AFF2: variants seen among roughly 807,000 people sequenced by gnomAD.
AFF2 encodes ALF transcription elongation factor 2.
In AFF2, 14 loss-of-function variants were observed where a neutral mutation model predicts 76.9. The observed-to-expected ratio is 0.18, with a 90% CI of 0.12 to 0.28. AFF2 has a LOEUF of 0.28. Among genes scored for constraint, AFF2 ranks in the 10% least tolerant of loss-of-function variants. AFF2 has a pLI of 1.00. For synonymous variants in AFF2, 398 were observed against 366.7 expected (o/e 1.09, Z -0.98); for missense variants, 868 against 1,001.1 (o/e 0.87, Z 1.79).
intron 9 of AFF2, among the ~76,000 whole-genome samples, chrX:148,910,356 A>G (rs59315112): frequency 0.013 from 1,411 of 112,480 alleles, 20 homozygotes; most frequent in African/African-American, 0.044. Context: ...CATTCTGGGA[A>G]CTGTGATAGG....
intron 3 of AFF2, among the ~76,000 whole-genome samples, chrX:148,755,352 C>T (rs2055549618): frequency 9.0e-6 from 1 of 111,584 alleles, no homozygotes; most frequent in African/African-American, 3.3e-5. Context: ...TAATCAGGGC[C>T]TTAAGTCTGA....
intron 3 of AFF2, among the ~76,000 whole-genome samples, chrX:148,768,592 A>G (rs1304990406): frequency 1.8e-5 from 2 of 111,671 alleles, no homozygotes; most frequent in African/African-American, 6.5e-5. Context: ...TTGCAAGTTA[A>G]TGTGATCTGC....
intron 12 of AFF2, among the ~76,000 whole-genome samples, chrX:148,961,220 C>A (rs181551717): frequency 1.8e-5 from 2 of 111,955 alleles, no homozygotes; most frequent in Non-Finnish European, 3.8e-5. Flanking sequence ...GCTAATGAAC[C>A]ACCATTCACC....
rs1046835530 is a variant in AFF2, at chrX:148,869,284, G to A, written c.1263-16605G>A. Among the ~76,000 whole-genome samples, 5 of 111,698 alleles carry A rather than the reference G, an allele frequency of 4.5e-5. No individual in the cohort carries two copies. In the South Asian group the frequency reaches 1.9e-3, roughly 42 times the overall value. On this transcript the variant is annotated intron_variant, in intron 7 of 20. Coordinates refer to ENST00000370460, the MANE Select transcript of AFF2 (RefSeq NM_002025.4). ...GGTTTCATTCTGGAGTGGTGAAAAT[G>A]TTCCTGAACTAGATCATGGTGATGG...
chrX:148,840,994 C>T (rs2070593117), intron 5 of AFF2, among the ~76,000 whole-genome samples: 1 of 112,515 alleles, frequency 8.9e-6, no homozygotes. Context: ...ATATCAGTTA[C>T]TCCAATTCAG....
chrX:148,941,142 T>A (rs782532834), intron 9 of AFF2, among the ~76,000 whole-genome samples: 1 of 111,527 alleles, frequency 9.0e-6, no homozygotes, highest in East Asian at 2.8e-4. Flanking sequence ...TTTCTGATTG[T>A]TTATTAATGG....
At chrX:148,805,858 A>G (rs2070124306) in intron 3 of AFF2, among the ~76,000 whole-genome samples, 1 of 112,429 alleles carries the variant, frequency 8.9e-6, no homozygotes, top group Non-Finnish European at 1.9e-5. Context: ...AGAGGACCAC[A>G]TCCGTGCCCA....
At chrX:148,975,855 A>G (rs1476309208) in intron 16 of AFF2, among the ~76,000 whole-genome samples, 1 of 89,810 alleles carries the variant, frequency 1.1e-5, no homozygotes, top group African/African-American at 3.8e-5. Context: ...GAGGCAGGAG[A>G]ATGGCGTGAA....
intron 3 of AFF2, among the ~76,000 whole-genome samples, chrX:148,685,074 A>G (rs1032282808): frequency 8.9e-6 from 1 of 112,043 alleles, no homozygotes; most frequent in Non-Finnish European, 1.9e-5. Flanking sequence ...ATCCCTGACT[A>G]TAGACATTTC....
chrX:148,886,163 T>C (rs2071157579), intron 8 of AFF2, among the ~76,000 whole-genome samples, 178 bp downstream of exon 8: 1 of 111,719 alleles, frequency 9.0e-6, no homozygotes, highest in Non-Finnish European at 1.9e-5. Flanking sequence ...GTTCAAACTT[T>C]CATTAAAGCT....
intron 4 of AFF2, among the ~76,000 whole-genome samples, chrX:148,833,331 G>A (rs1398745778): frequency 8.9e-6 from 1 of 111,737 alleles, no homozygotes; most frequent in Non-Finnish European, 1.9e-5. Context: ...GGCTTATAAT[G>A]GCTACACACG....
chrX:148,955,985 A>G lies in AFF2; in HGVS notation c.1940A>G (p.Lys647Arg), dbSNP rs368412621. Residue 647 changes from lysine (K) to arginine (R), a missense_variant, in exon 11 of 21, where the codon AAA becomes AGA. Transcript: ENST00000370460. Reference sequence around the variant, plus strand: ...AGCACTGACGAGTTTACCTGGCCCAAACCAAATATTACCAGCAGCACTCCC... The same window carrying G: ...AGCACTGACGAGTTTACCTGGCCCAGACCAAATATTACCAGCAGCACTCCC... ...NTSTDEFTWP[K>R]PNITSSTPKE... is the part of the protein sequence containing the mutation. 27 of 1,209,376 alleles carry G rather than the reference A, an allele frequency of 2.2e-5. No homozygotes were observed. Among genetic ancestry groups the G allele is most frequent in the Non-Finnish European group, 2.8e-5 (25 of 895,159 alleles).
rs1394611514 is a variant in AFF2 at position 148,601,683 on chromosome X, T to C, written c.48-50316T>C. 2.7e-5 allele frequency among the ~76,000 whole-genome samples: 3 copies of C among 111,649 alleles called. No homozygotes were observed. In the Admixed American group the frequency reaches 2.9e-4, roughly 11 times the overall value. ...ATATCTTTAGTACCTGAAATCCATA[T>C]ATTGTGAATTTTTGAGAACAATTAT... On this transcript the variant is annotated intron_variant, in intron 1 of 20. Coordinates refer to ENST00000370460, the MANE Select transcript of AFF2 (RefSeq NM_002025.4).
At chrX:148,787,612 T>C (rs2069838676) in intron 3 of AFF2, among the ~76,000 whole-genome samples, 1 of 111,886 alleles carries the variant, frequency 8.9e-6, no homozygotes, top group African/African-American at 3.3e-5. Context: ...TTCAGTTCAG[T>C]AACACAAGAG....
At chrX:148,921,947 T>C (rs2071600727) in intron 9 of AFF2, among the ~76,000 whole-genome samples, 1 of 112,074 alleles carries the variant, frequency 8.9e-6, no homozygotes, top group African/African-American at 3.2e-5. Flanking sequence ...GGCAATTTCC[T>C]ATTTTATGAA....
intron 8 of AFF2, among the ~76,000 whole-genome samples, chrX:148,891,611 G>A (rs781867514): frequency 9.8e-5 from 11 of 111,808 alleles, no homozygotes; most frequent in Non-Finnish European, 2.1e-4. Context: ...TGTTCTTAGA[G>A]CCAGGTAAAC....
At chrX:148,826,885 T>A (rs1010345147) in intron 4 of AFF2, among the ~76,000 whole-genome samples, 3 of 111,418 alleles carry the variant, frequency 2.7e-5, no homozygotes, top group African/African-American at 9.8e-5. Flanking sequence ...GGTTTTGATG[T>A]TGTTAAATTC....
chrX:148,977,867 C>T (rs940535848), intron 16 of AFF2, 66 bp from the exon 17 acceptor site: 68 of 803,031 alleles, frequency 8.5e-5, no homozygotes, highest in Non-Finnish European at 1.1e-4. Context: ...ATCAGAATAC[C>T]AGTGACTTTA....
At chrX:148,517,432 C>T (rs1159849712) in intron 1 of AFF2, among the ~76,000 whole-genome samples, 1 of 111,796 alleles carries the variant, frequency 8.9e-6, no homozygotes, top group Non-Finnish European at 1.9e-5. Flanking sequence ...TAAGGAAATG[C>T]ATGGCACAGG....
Sources: allele counts gnomAD v4.1 joint callset (sites outside exome capture counted in the v4.1 genomes callset), GRCh38; gene constraint gnomAD v4.1.1; transcripts MANE v1.5; gene names NCBI Gene and HGNC (gene_info 2026-07-23, HGNC 2026-07-21).